The following GTSE1 variants were observed in gnomAD, a reference collection of about 807,000 sequenced individuals.
GTSE1 encodes G2 and S-phase expressed 1.
In GTSE1, 52 loss-of-function variants were observed where a neutral mutation model predicts 60.5. The observed-to-expected ratio is 0.86, with a 90% CI of 0.69 to 1.08. The LOEUF (loss-of-function observed/expected upper bound fraction) is 1.08. Among genes scored for constraint, GTSE1 ranks in the 50% least tolerant of loss-of-function variants. GTSE1 has a pLI of 0.00. For synonymous variants in GTSE1, 368 were observed against 386.5 expected, an observed-to-expected ratio of 0.95 and a Z score of 0.56; for missense variants, 937 against 961.8, an observed-to-expected ratio of 0.97 and a Z score of 0.34.
intron 4 of GTSE1, among the ~76,000 whole-genome samples, chr22:46,311,213 G>A (rs9615944): frequency 0.071 from 10,770 of 152,126 alleles, 534 homozygotes; most frequent in Non-Finnish European, 0.11. Flanking sequence ...GAGTAGCTGG[G>A]ATTACAGGCG....
intron 2 of GTSE1, among the ~76,000 whole-genome samples, chr22:46,306,031 G>A (rs2077713491): frequency 6.6e-6 from 1 of 151,882 alleles, no homozygotes; most frequent in East Asian, 1.9e-4. Flanking sequence ...TCTCTGTGTG[G>A]TTATTTCTCT....
intron 2 of GTSE1, among the ~76,000 whole-genome samples, chr22:46,306,298 C>T (rs1170945868): frequency 6.6e-6 from 1 of 151,742 alleles, no homozygotes; most frequent in African/African-American, 2.4e-5. Context: ...TCTCCTGCCT[C>T]AGCCTCCCGA....
At chr22:46,325,770 G>A (rs111877002) in intron 8 of GTSE1, among the ~76,000 whole-genome samples, 3,566 of 152,330 alleles carry the variant, frequency 0.023, 54 homozygotes, top group Non-Finnish European at 0.029. Context: ...TTCAGCACAT[G>A]AATCTGGGGA....
At chr22:46,323,065 G>A in intron 7 of GTSE1, 125 bp from the exon 8 acceptor site, 2 of 742,552 alleles carry the variant, frequency 2.7e-6, no homozygotes, top group Non-Finnish European at 5.0e-6. Flanking sequence ...CTGAGCCAGT[G>A]CCACCTACAC....
In GTSE1 at chr22:46,330,116, C is replaced by G; in HGVS notation, c.2206C>G (p.Leu736Val). The change falls in exon 12 of 12, where the codon CTC becomes GTC. Residue 736 changes from leucine (L) to valine (V), a missense_variant. Leu to Val is a conservative substitution (Grantham distance 32). Transcript: ENST00000454366. This position sits in a 1 kb window ranked among gnomAD's most constrained non-coding sequence, Gnocchi z 6.0. The part of the protein sequence containing the change: ...EADKENVDSP[L>V]LKF ...TGACAAGGAGAACGTGGATTCCCCA[C>G]TCCTCAAGTTCTAAGCCGAACCAAA... The G allele has an allele frequency of 6.2e-7, 1 of 1,600,718 alleles. No homozygotes were observed. The highest frequency in any genetic ancestry group is 1.1e-5 in the South Asian group (1 of 90,816).
rs971494725 is a variant in GTSE1 at position 46,310,286 on chromosome 22, T to C, written c.762+1343T>C. On this transcript the variant is annotated intron_variant, in intron 4 of 11. Coordinates refer to ENST00000454366, the MANE Select transcript of GTSE1 (RefSeq NM_016426.7). The surrounding 1 kb of genome is among the most constrained non-coding windows in gnomAD (Gnocchi z 4.4). ...AAGAAAAAGAAAATAACAGGTGTTATTTTGAGGATGAGGATGTTGTGGAGG... is the reference window on the plus strand; with the variant it reads ...AAGAAAAAGAAAATAACAGGTGTTACTTTGAGGATGAGGATGTTGTGGAGG... Among the ~76,000 whole-genome samples the C allele has an allele frequency of 6.6e-6, 1 of 152,142 alleles. No individual in the cohort carries two copies. The highest frequency in any genetic ancestry group is 2.1e-4 in the South Asian group (1 of 4,830).
In GTSE1 at chr22:46,314,838, T is replaced by C. The variant is rs896515705; in HGVS notation, c.1051+825T>C. On this transcript the variant is annotated intron_variant, in intron 6 of 11. Transcript: ENST00000454366. The surrounding 1 kb of genome is among the most constrained non-coding windows in gnomAD (Gnocchi z 7.1). The stretch of plus-strand genomic sequence containing the variant: ...TTACCATGAGCCGAGATTGCATCAC[T>C]GCACTCCGTCTCAAAAAAAAAAAAA... Among the ~76,000 whole-genome samples the C allele has an allele frequency of 6.9e-6, 1 of 144,102 alleles. No individual in the cohort carries two copies. Among genetic ancestry groups the C allele is most frequent in the African/African-American group, 2.7e-5 (1 of 37,494 alleles). The allele number at this position is 144,102 out of a possible 152,430, so 94.5% of individuals were successfully genotyped here. A position where few individuals can be genotyped will look rare whatever the true frequency, so the allele number is the denominator to read the frequency against.
In GTSE1 at chr22:46,323,278, C is replaced by T; in HGVS notation, c.1505+16C>T. ...CAGTTGGCAGGTGAGTGACGTTGGT[C>T]CGCTTCCTCTCTTTATTGCTGTAGA... On this transcript the variant is annotated intron_variant, in intron 8 of 11. Transcript: ENST00000454366. The T allele has an allele frequency of 6.3e-7, 1 of 1,590,496 alleles. No homozygotes were observed.
At position 46,324,103 on chromosome 22, in the gene GTSE1, C is replaced by T. The variant is rs1569046638; in HGVS notation, c.1505+841C>T. On this transcript the variant is annotated intron_variant, in intron 8 of 11. Transcript: ENST00000454366. This position sits in a 1 kb window ranked among gnomAD's most constrained non-coding sequence, Gnocchi z 5.2. ...TCAAGTAGGGATGGCCCAAGCTCAG[C>T]TGGGGCCACTTGCAAGTCTTTTGGT... 6.6e-6 allele frequency among the ~76,000 whole-genome samples: 1 copy of T among 152,216 alleles called. No homozygotes were observed. The highest frequency in any genetic ancestry group is 1.5e-5 in the Non-Finnish European group (1 of 68,030).
At position 46,321,451 on chromosome 22, in the gene GTSE1, A is replaced by T. The variant is rs2077812087; in HGVS notation, c.1433-1739A>T. Among the ~76,000 whole-genome samples the T allele has an allele frequency of 6.6e-6, 1 of 152,050 alleles. No individual in the cohort carries two copies. The highest frequency in any genetic ancestry group is 2.1e-4 in the South Asian group (1 of 4,826). On this transcript the variant is annotated intron_variant, in intron 7 of 11. Transcript: ENST00000454366. The surrounding 1 kb of genome is among the most constrained non-coding windows in gnomAD (Gnocchi z 4.0). Reference sequence around the variant, plus strand: ...ACAAACTGAAAACGGAGGTGGAGAGAGGGTGGGAGCATGTTTGACTCAGCT... The same window carrying T: ...ACAAACTGAAAACGGAGGTGGAGAGTGGGTGGGAGCATGTTTGACTCAGCT...
Position 46,308,213 on chromosome 22 carries a change from CA to C in GTSE1, c.137+9del, listed in dbSNP as rs1406269879. The C allele has an allele frequency of 6.2e-7, 1 of 1,612,118 alleles. No individual in the cohort carries two copies. The highest frequency in any genetic ancestry group is 1.1e-5 in the South Asian group (1 of 90,968). ...CTTTCATTGTCTTCTTCGAGGTAAA[CA>C]AATGAGTTTTCTTCCCTTGCCTTGG... On this transcript the variant is annotated splice_region_variant and intron_variant, in intron 3 of 11. Transcript: ENST00000454366.
At position 46,330,142 on chromosome 22, in the gene GTSE1, T is replaced by A. The variant is rs758770397; in HGVS notation, c.*12T>A. ...TCCTCAAGTTCTAAGCCGAACCAAA[T>A]CCTTTGCCTTGAAAGAACAGCCCTA... is the stretch of plus-strand genomic sequence containing the variant. On this transcript the variant is annotated 3_prime_UTR_variant, in exon 12 of 12. Coordinates refer to ENST00000454366, the MANE Select transcript of GTSE1 (RefSeq NM_016426.7). The surrounding 1 kb of genome is among the most constrained non-coding windows in gnomAD (Gnocchi z 6.0). 1 of 1,543,856 alleles carries A rather than the reference T, an allele frequency of 6.5e-7. No homozygotes were observed. The highest frequency in any genetic ancestry group is 2.2e-5 in the East Asian group (1 of 44,550).
chr22:46,297,736 G>T lies in GTSE1; in HGVS notation c.79+257G>T, dbSNP rs1452820071. ...CTGAACAGCACCTAACACTTTGTGG[G>T]CTCTCAAATATTTATTGTATTGAAT... On this transcript the variant is annotated intron_variant, in intron 2 of 11. Coordinates refer to ENST00000454366, the MANE Select transcript of GTSE1 (RefSeq NM_016426.7). This position sits in a 1 kb window ranked among gnomAD's most constrained non-coding sequence, Gnocchi z 4.9. Among the ~76,000 whole-genome samples, 1 of 152,096 alleles carries T rather than the reference G, an allele frequency of 6.6e-6. No individual in the cohort carries two copies. Among genetic ancestry groups the T allele is most frequent in the Non-Finnish European group, 1.5e-5 (1 of 68,026 alleles).
At position 46,330,037 on chromosome 22, in the gene GTSE1, T is replaced by A. The variant is rs776038431; in HGVS notation, c.2137-10T>A. 5 of 1,579,680 alleles carry A rather than the reference T, an allele frequency of 3.2e-6. No homozygotes were observed. Among genetic ancestry groups the A allele is most frequent in the Non-Finnish European group, 4.4e-6 (5 of 1,148,562 alleles). ...TCCACGCTCACCTCCTCCACTCTGCTCTCTTCCAGCTCATAGACCTGAGCT... is the reference window on the plus strand; with the variant it reads ...TCCACGCTCACCTCCTCCACTCTGCACTCTTCCAGCTCATAGACCTGAGCT... On this transcript the variant is annotated splice_polypyrimidine_tract_variant and intron_variant, in intron 11 of 11. Coordinates refer to ENST00000454366, the MANE Select transcript of GTSE1 (RefSeq NM_016426.7). This position sits in a 1 kb window ranked among gnomAD's most constrained non-coding sequence, Gnocchi z 6.0.
chr22:46,303,752 T>C (rs2077702001), intron 2 of GTSE1, among the ~76,000 whole-genome samples: 1 of 152,240 alleles, frequency 6.6e-6, no homozygotes, highest in Non-Finnish European at 1.5e-5. Flanking sequence ...GTACTCCCTG[T>C]TCACTTGAAA....
intron 6 of GTSE1, among the ~76,000 whole-genome samples, chr22:46,315,205 C>T (rs539561552): frequency 8.5e-5 from 13 of 152,134 alleles, no homozygotes; most frequent in Admixed American, 4.6e-4. Context: ...ACTACAGGCA[C>T]CTGCCACCAC....
rs952339583 is a variant in GTSE1 at position 46,318,094 on chromosome 22, C to T, written c.1432+1682C>T. On this transcript the variant is annotated intron_variant, in intron 7 of 11. Coordinates refer to ENST00000454366, the MANE Select transcript of GTSE1 (RefSeq NM_016426.7). The surrounding 1 kb of genome is among the most constrained non-coding windows in gnomAD (Gnocchi z 4.8). ...CAGCCTCCTGAGCTCCAGCCACTGC[C>T]TTCTCCAGTCAGTGAGGCCACTGGC... Among the ~76,000 whole-genome samples, 4 of 152,244 alleles carry T rather than the reference C, an allele frequency of 2.6e-5. No homozygotes were observed. The highest frequency in any genetic ancestry group is 9.6e-5 in the African/African-American group (4 of 41,468).
At chr22:46,307,295 CTAT>C (rs1281890126) in intron 2 of GTSE1, among the ~76,000 whole-genome samples, 1 of 152,186 alleles carries the variant, frequency 6.6e-6, no homozygotes, top group Non-Finnish European at 1.5e-5. Context: ...CATTGTTGAA[CTAT>C]GAATAGATGT....
intron 2 of GTSE1, among the ~76,000 whole-genome samples, chr22:46,307,661 C>T (rs2077722822): frequency 6.6e-6 from 1 of 152,122 alleles, no homozygotes; most frequent in Admixed American, 6.6e-5. Flanking sequence ...CGCTACCATG[C>T]CTAGCCAATT....
Sources: allele counts gnomAD v4.1 joint callset (sites outside exome capture counted in the v4.1 genomes callset), GRCh38; gene constraint gnomAD v4.1.1; non-coding constraint Gnocchi (gnomAD v3.1); transcripts MANE v1.5; gene names NCBI Gene and HGNC (gene_info 2026-07-23, HGNC 2026-07-21).